The following PRKCE variants were observed in gnomAD, a reference collection of about 807,000 sequenced individuals.
PRKCE encodes the protein protein kinase C epsilon type.
PRKCE carries 16 observed loss-of-function variants against 85.4 expected under a neutral mutation model. The observed-to-expected ratio is 0.19, with a 90% CI of 0.13 to 0.28. The LOEUF (loss-of-function observed/expected upper bound fraction) is 0.28. PRKCE is among the 10% of genes least tolerant of loss of function. The pLI, the probability that PRKCE is intolerant of heterozygous loss-of-function variation, is 1.00. For missense variants in PRKCE, 573 were observed against 975.2 expected (o/e 0.59, Z 5.49); for synonymous variants, 388 against 371.5 (o/e 1.04, Z -0.51).
intron 1 of PRKCE, among the ~76,000 whole-genome samples, chr2:45,696,046 C>A (rs188734295): frequency 1.3e-5 from 2 of 150,900 alleles, no homozygotes; most frequent in African/African-American, 4.9e-5. Flanking sequence ...CCCATTAACT[C>A]GTCATTTAGC....
rs138825582 is a variant in PRKCE at position 46,059,705 on chromosome 2, G to T, written c.1438-26503G>T. Among the ~76,000 whole-genome samples, 701 of 152,060 alleles carry T rather than the reference G, an allele frequency of 4.6e-3. 14 individuals are homozygous for T. Among genetic ancestry groups the T allele is most frequent in the Non-Finnish European group, 1.4e-3 (96 of 67,974 alleles). On this transcript the variant is annotated intron_variant, in intron 10 of 14. Transcript: ENST00000306156. ...GCCTAGAGTGTCAGCTGCTTGGCAG[G>T]CTGAGGGGGATCACCTGAGCCCAGG...
intron 1 of PRKCE, among the ~76,000 whole-genome samples, chr2:45,765,043 A>G (rs2104859950): frequency 6.6e-6 from 1 of 152,252 alleles, no homozygotes; most frequent in Non-Finnish European, 1.5e-5. Context: ...GGCCTGGTAC[A>G]GTCCAAAATG....
intron 2 of PRKCE, among the ~76,000 whole-genome samples, chr2:45,901,407 T>G (rs1696573348): frequency 6.6e-6 from 1 of 152,232 alleles, no homozygotes; most frequent in African/African-American, 2.4e-5. Flanking sequence ...ATGTAATATT[T>G]TTAGGAACTA....
At chr2:45,792,039 A>T (rs1687075317) in intron 1 of PRKCE, among the ~76,000 whole-genome samples, 1 of 152,246 alleles carries the variant, frequency 6.6e-6, no homozygotes, top group Non-Finnish European at 1.5e-5. Flanking sequence ...AAGGCTGGAT[A>T]ATTTATAAGG....
At chr2:45,841,811 G>C (rs1691375762) in intron 1 of PRKCE, among the ~76,000 whole-genome samples, 1 of 152,240 alleles carries the variant, frequency 6.6e-6, no homozygotes, top group African/African-American at 2.4e-5. Flanking sequence ...AATTGACCTT[G>C]ACTTTGAAGG....
chr2:46,104,296 C>CTTTT (rs59018550), intron 11 of PRKCE, among the ~76,000 whole-genome samples: 2,529 of 118,432 alleles, frequency 0.021, 100 homozygotes, highest in African/African-American at 0.062. Context: ...TCACCTTGTA[C>CTTTT]TTTTTTTTTT....
intron 2 of PRKCE, among the ~76,000 whole-genome samples, chr2:45,859,257 T>C (rs542917475): frequency 1.3e-5 from 2 of 152,190 alleles, no homozygotes; most frequent in African/African-American, 4.8e-5. Context: ...GGGATTACTT[T>C]CAAGTTTTTT....
At chr2:45,799,288 C>T (rs955682131) in intron 1 of PRKCE, among the ~76,000 whole-genome samples, 6 of 152,130 alleles carry the variant, frequency 3.9e-5, no homozygotes, top group African/African-American at 1.4e-4. Context: ...AATTTATACT[C>T]ATTTTCAGTG....
intron 1 of PRKCE, chr2:45,840,528 TAAAACCG>T (rs1204800828): frequency 6.6e-6 from 1 of 152,188 alleles, no homozygotes; most frequent in African/African-American, 2.4e-5. Flanking sequence ...CATCTGGATT[TAAAACCG>T]AAGATCCCAA....
In PRKCE at chr2:46,139,176, A is replaced by G. The variant is rs1675272784; in HGVS notation, c.1593-5917A>G. Among the ~76,000 whole-genome samples, 1 of 152,250 alleles carries G rather than the reference A, an allele frequency of 6.6e-6. No homozygotes were observed. Among genetic ancestry groups the G allele is most frequent in the African/African-American group, 2.4e-5 (1 of 41,466 alleles). ...TACTTAGCATTGTTCTTGAGGTTGC[A>G]GTCAACACAATCAGACACAAGAAAT... On this transcript the variant is annotated intron_variant, in intron 11 of 14. Coordinates refer to ENST00000306156, the MANE Select transcript of PRKCE (RefSeq NM_005400.3). This position sits in a 1 kb window ranked among gnomAD's most constrained non-coding sequence, Gnocchi z 5.2.
intron 11 of PRKCE, among the ~76,000 whole-genome samples, chr2:46,094,339 A>G (rs918965256): frequency 1.3e-5 from 2 of 152,204 alleles, no homozygotes; most frequent in Admixed American, 6.5e-5. Context: ...GAGAACAAAT[A>G]TATAGGAAGT....
chr2:45,989,573 C>T (rs1432787106), intron 6 of PRKCE, among the ~76,000 whole-genome samples: 1 of 151,682 alleles, frequency 6.6e-6, no homozygotes, highest in African/African-American at 2.4e-5. Context: ...AGCCACATAC[C>T]TTGGGGTGGC....
chr2:45,915,770 C>T (rs1478174270), intron 2 of PRKCE, among the ~76,000 whole-genome samples: 2 of 152,174 alleles, frequency 1.3e-5, no homozygotes, highest in Non-Finnish European at 2.9e-5. Context: ...CAGACATGAC[C>T]TGACTAGAAG....
chr2:45,755,220 G>A (rs923006856), intron 1 of PRKCE, among the ~76,000 whole-genome samples: 1 of 152,170 alleles, frequency 6.6e-6, no homozygotes, highest in African/African-American at 2.4e-5. Context: ...ATAATAATGG[G>A]CTGGTGCGTA....
rs146686017 is a variant in PRKCE at position 45,750,869 on chromosome 2, C to T, written c.349-92131C>T. On this transcript the variant is annotated intron_variant, in intron 1 of 14. Coordinates refer to ENST00000306156, the MANE Select transcript of PRKCE (RefSeq NM_005400.3). ...CCATTCACTGGAGCAATCATGGAGG[C>T]CCCTTCAGTGGTCTTTCTCCTTCCT... Among the ~76,000 whole-genome samples, 478 of 152,256 alleles carry T rather than the reference C, an allele frequency of 3.1e-3. 3 individuals carry two copies. Among genetic ancestry groups the T allele is most frequent in the African/African-American group, 0.011 (456 of 41,546 alleles).
chr2:45,833,915 A>T (rs1271579887), intron 1 of PRKCE, among the ~76,000 whole-genome samples: 1 of 152,234 alleles, frequency 6.6e-6, no homozygotes, highest in African/African-American at 2.4e-5. Context: ...CAAAGTAGAC[A>T]GGCAGACTGT....
intron 1 of PRKCE, among the ~76,000 whole-genome samples, chr2:45,737,637 T>A (rs1179713786): frequency 6.6e-6 from 1 of 151,932 alleles, no homozygotes; most frequent in African/African-American, 2.4e-5. Context: ...CTGGCCCCCT[T>A]CTCCCCTGGA....
chr2:45,656,917 A>G (rs1412860957), intron 1 of PRKCE, among the ~76,000 whole-genome samples: 2 of 152,254 alleles, frequency 1.3e-5, no homozygotes, highest in African/African-American at 2.4e-5. Flanking sequence ...GATTTAGAAT[A>G]ATAATTGTGT....
intron 6 of PRKCE, among the ~76,000 whole-genome samples, chr2:45,988,613 C>T (rs1703537384): frequency 6.6e-6 from 1 of 152,152 alleles, no homozygotes; most frequent in Non-Finnish European, 1.5e-5. Flanking sequence ...TAACCGAGGG[C>T]AGAAAAATGC....
Sources: gnomAD v4.1 joint callset for allele counts (sites outside exome capture counted in the v4.1 genomes callset) on GRCh38, gnomAD v4.1.1 for gene constraint, Gnocchi (gnomAD v3.1) non-coding constraint, MANE v1.5 for transcripts, NCBI Gene and HGNC (gene_info 2026-07-23, HGNC 2026-07-21) for gene names.